The following ACSL3 variants were observed in gnomAD, a reference collection of about 807,000 sequenced individuals.
ACSL3 encodes acyl-CoA synthetase long chain family member 3, also known as fatty acid CoA ligase Acsl3.
ACSL3 carries 34 observed loss-of-function variants against 84.7 expected under a neutral mutation model. The ratio of observed to expected loss-of-function variants is 0.40; its 90% CI spans 0.31 to 0.53. The LOEUF (loss-of-function observed/expected upper bound fraction) is 0.53. ACSL3 is among the 20% of genes least tolerant of loss of function. ACSL3 has a pLI of 0.48. For missense variants in ACSL3, 680 were observed against 873.1 expected, an observed-to-expected ratio of 0.78 and a Z score of 2.79; for synonymous variants, 315 against 299.4, an observed-to-expected ratio of 1.05 and a Z score of -0.54.
At chr2:222,909,211 G>A in intron 4 of ACSL3, 61 bp downstream of exon 4, 1 of 1,514,624 alleles carries the variant, frequency 6.6e-7, no homozygotes, top group Non-Finnish European at 8.9e-7. Context: ...TAGAAATGAA[G>A]TAAAGGGCAA....
chr2:222,880,120 G>A (rs1415263348), intron 1 of ACSL3, among the ~76,000 whole-genome samples: 1 of 151,972 alleles, frequency 6.6e-6, no homozygotes, highest in East Asian at 1.9e-4. Flanking sequence ...GACTATTTCT[G>A]GTTTTAAAAT....
intron 2 of ACSL3, among the ~76,000 whole-genome samples, chr2:222,895,433 A>T (rs1695950363): frequency 6.6e-6 from 1 of 152,146 alleles, no homozygotes; most frequent in African/African-American, 2.4e-5. Context: ...AAAACAAAAG[A>T]ACCTCTTTTG....
intron 3 of ACSL3, among the ~76,000 whole-genome samples, 154 bp downstream of exon 3, chr2:222,900,934 C>T (rs1432415239): frequency 6.6e-6 from 1 of 152,214 alleles, no homozygotes; most frequent in Admixed American, 6.5e-5. Context: ...AACAGTTCAA[C>T]TTCGTCTCCT....
At chr2:222,925,104 A>G (rs561716995) in intron 11 of ACSL3, among the ~76,000 whole-genome samples, 16 of 152,124 alleles carry the variant, frequency 1.1e-4, no homozygotes, top group African/African-American at 3.9e-4. Context: ...TGGGAGGCCA[A>G]GGCGGGCAGA....
intron 1 of ACSL3, among the ~76,000 whole-genome samples, chr2:222,878,155 A>G (rs1384930563): frequency 6.6e-6 from 1 of 152,218 alleles, no homozygotes; most frequent in Non-Finnish European, 1.5e-5. Context: ...GACATGAGAT[A>G]CTGAGTAAGC....
At chr2:222,890,158 C>G (rs774927395) in intron 2 of ACSL3, among the ~76,000 whole-genome samples, 3 of 152,106 alleles carry the variant, frequency 2.0e-5, no homozygotes, top group Non-Finnish European at 2.9e-5. Context: ...CCACAACATA[C>G]TTTTAAGTTC....
rs548141641 is a variant in ACSL3 at position 222,936,762 on chromosome 2, C to T, written c.2005+2075C>T. Among the ~76,000 whole-genome samples the T allele has an allele frequency of 6.6e-5, 10 of 152,024 alleles. No homozygotes were observed. In the East Asian group the frequency reaches 1.9e-3, roughly 29 times the overall value. ...AATTGACTCACAGTTCTGCATGGCT[C>T]GGGGAGGCCTCAGAAAACTTACTGT... On this transcript the variant is annotated intron_variant, in intron 16 of 16. Coordinates refer to ENST00000357430, the MANE Select transcript of ACSL3 (RefSeq NM_004457.5).
At chr2:222,888,184 C>T (rs1319873662) in intron 2 of ACSL3, among the ~76,000 whole-genome samples, 1 of 152,030 alleles carries the variant, frequency 6.6e-6, no homozygotes, top group Non-Finnish European at 1.5e-5. Context: ...TGAATTAGAC[C>T]ATTTTAATAT....
chr2:222,879,559 C>G (rs1695538515), intron 1 of ACSL3, among the ~76,000 whole-genome samples: 1 of 152,176 alleles, frequency 6.6e-6, no homozygotes. Flanking sequence ...TATACTCATC[C>G]TGCATCTTGA....
intron 1 of ACSL3, among the ~76,000 whole-genome samples, chr2:222,873,009 T>C (rs1695345462): frequency 6.6e-6 from 1 of 151,990 alleles, no homozygotes; most frequent in African/African-American, 2.4e-5. Flanking sequence ...CCATTGAGAG[T>C]AGACTGGGAA....
intron 2 of ACSL3, among the ~76,000 whole-genome samples, chr2:222,893,312 G>A (rs962828129): frequency 6.6e-6 from 1 of 152,144 alleles, no homozygotes; most frequent in East Asian, 1.9e-4. Flanking sequence ...TTTCATGATG[G>A]TGGTGGATGT....
chr2:222,872,291 A>C (rs996949139), intron 1 of ACSL3, among the ~76,000 whole-genome samples: 13 of 151,744 alleles, frequency 8.6e-5, no homozygotes, highest in African/African-American at 2.9e-4. Context: ...CGCCCGGCTA[A>C]TTTTTTGTAT....
At chr2:222,893,754 C>G (rs1429416983) in intron 2 of ACSL3, among the ~76,000 whole-genome samples, 1 of 151,912 alleles carries the variant, frequency 6.6e-6, no homozygotes, top group African/African-American at 2.4e-5. Flanking sequence ...CTTTCCCTCT[C>G]CTTCCCTTCC....
intron 1 of ACSL3, among the ~76,000 whole-genome samples, chr2:222,884,823 G>A (rs761544402): frequency 1.3e-5 from 2 of 152,058 alleles, no homozygotes; most frequent in Non-Finnish European, 2.9e-5. Flanking sequence ...TTCCCTTCGC[G>A]TTTACAAATA....
Position 222,941,742 on chromosome 2 carries a change from C to T in ACSL3, c.*88C>T. On this transcript the variant is annotated 3_prime_UTR_variant, in exon 17 of 17. Transcript: ENST00000357430. Reference sequence around the variant, plus strand: ...TGCATGTCTCAAGCTGCAAGGCAAACTCCATTCCTCATATTAAACTATTAC... The same window carrying T: ...TGCATGTCTCAAGCTGCAAGGCAAATTCCATTCCTCATATTAAACTATTAC... 4 of 1,379,642 alleles carry T rather than the reference C, an allele frequency of 2.9e-6. No homozygotes were observed. The highest frequency in any genetic ancestry group is 3.9e-6 in the Non-Finnish European group (4 of 1,022,266). 85.5% of individuals were successfully genotyped at this position (1,379,642 alleles called of 1,614,324 possible).
chr2:222,868,757 G>A (rs546473041), intron 1 of ACSL3, among the ~76,000 whole-genome samples: 2 of 152,148 alleles, frequency 1.3e-5, no homozygotes, highest in African/African-American at 2.4e-5. Context: ...GTCCAGCCTG[G>A]CCAATGTGGC....
intron 1 of ACSL3, among the ~76,000 whole-genome samples, chr2:222,861,954 TGAG>T (rs1252863542): frequency 1.5e-4 from 23 of 152,132 alleles, no homozygotes; most frequent in Non-Finnish European, 2.5e-4. Context: ...GTTTCACAGA[TGAG>T]GAGCCCGAGG....
intron 3 of ACSL3, among the ~76,000 whole-genome samples, chr2:222,902,889 G>A (rs543571785): frequency 6.6e-6 from 1 of 152,226 alleles, no homozygotes; most frequent in Non-Finnish European, 1.5e-5. Flanking sequence ...TCTGGGTCAC[G>A]GGTTTCAACC....
At chr2:222,903,982 C>T (rs751560767) in intron 3 of ACSL3, among the ~76,000 whole-genome samples, 11 of 151,900 alleles carry the variant, frequency 7.2e-5, no homozygotes, top group South Asian at 4.1e-4. Flanking sequence ...ACCATTAAAA[C>T]AATTATGGTC....
Sources: gnomAD v4.1 joint callset for allele counts (sites outside exome capture counted in the v4.1 genomes callset) on GRCh38, gnomAD v4.1.1 for gene constraint, MANE v1.5 for transcripts, NCBI Gene and HGNC (gene_info 2026-07-23, HGNC 2026-07-21) for gene names.